RANBP10: variants seen among roughly 807,000 people sequenced by gnomAD.
RANBP10 encodes the protein ran-binding protein 10.
RANBP10 carries 24 observed loss-of-function variants against 72.8 expected under a neutral mutation model. That is an observed-to-expected ratio of 0.33 (90% CI 0.24 to 0.46). The LOEUF (loss-of-function observed/expected upper bound fraction) is 0.46. RANBP10 is among the 20% of genes least tolerant of loss of function. The pLI is 1.00. For synonymous variants in RANBP10, 310 were observed against 322.3 expected, an observed-to-expected ratio of 0.96 and a Z score of 0.41; for missense variants, 679 against 817.5, an observed-to-expected ratio of 0.83 and a Z score of 2.07.
intron 2 of RANBP10, among the ~76,000 whole-genome samples, chr16:67,782,611 C>T (rs189925509): frequency 2.6e-5 from 4 of 151,990 alleles, no homozygotes; most frequent in Admixed American, 2.0e-4. Flanking sequence ...CGCTACCACA[C>T]CCAGCTAATT....
intron 6 of RANBP10, among the ~76,000 whole-genome samples, chr16:67,732,481 T>C (rs974521443): frequency 6.6e-6 from 1 of 152,126 alleles, no homozygotes; most frequent in Non-Finnish European, 1.5e-5. Flanking sequence ...GGTTGTCAGG[T>C]GGAAGGCACA....
At chr16:67,765,324 C>G (rs931426179) in intron 3 of RANBP10, among the ~76,000 whole-genome samples, 1 of 151,014 alleles carries the variant, frequency 6.6e-6, no homozygotes, top group South Asian at 2.1e-4. Context: ...GCTGGGAGTT[C>G]GAGACCAGCC....
chr16:67,744,142 C>A lies in RANBP10; in HGVS notation c.568+146G>T, dbSNP rs1052035061. The A allele has an allele frequency of 8.2e-6, 12 of 1,458,030 alleles. No individual in the cohort carries two copies. In the Admixed American group the frequency reaches 2.6e-4, roughly 31 times the overall value. The allele number at this position is 1,458,030 out of a possible 1,614,324, so 90.3% of individuals were successfully genotyped here. On this transcript the variant is annotated intron_variant, in intron 4 of 13. Coordinates refer to ENST00000317506, the MANE Select transcript of RANBP10 (RefSeq NM_020850.3). The stretch of plus-strand genomic sequence containing the variant: ...AGGCGTGCCCCTGCTACCCTCTATT[C>A]ACCTGAAAGGGCTCCAATGCCTGGA...
rs1041928120 is a variant in RANBP10 at position 67,729,796 on chromosome 16, G to A, written c.1031C>T (p.Thr344Met). 1.9e-5 allele frequency: 31 copies of A among 1,613,926 alleles called. No individual in the cohort carries two copies. The Admixed American group carries it at 2.8e-4, about 15-fold the overall frequency. The change falls in exon 9 of 14, where the codon ACG becomes ATG. Residue 344 changes from threonine (T) to methionine (M), a missense_variant. By Grantham distance (81) the Thr-to-Met change is moderately conservative. Coordinates refer to ENST00000317506, the MANE Select transcript of RANBP10 (RefSeq NM_020850.3). This position sits in a 1 kb window ranked among gnomAD's most constrained non-coding sequence, Gnocchi z 7.1. ...GCTCAAACTTCGGACCTCACTGTCCGTCCCATTCACCATCTCCACAAACTG... is the reference window on the plus strand; with the variant it reads ...GCTCAAACTTCGGACCTCACTGTCCATCCCATTCACCATCTCCACAAACTG... ...CRQFVEMVNG[T>M]DSEVRSLSSR...
chr16:67,765,467 C>T (rs892074659), intron 3 of RANBP10, among the ~76,000 whole-genome samples: 8 of 150,946 alleles, frequency 5.3e-5, no homozygotes, highest in Non-Finnish European at 1.2e-4. Context: ...CGAAGGTTGC[C>T]GATGAGCCGA....
chr16:67,736,634 C>T (rs535071426), intron 5 of RANBP10, among the ~76,000 whole-genome samples: 4 of 152,344 alleles, frequency 2.6e-5, no homozygotes, highest in African/African-American at 7.2e-5. Context: ...TCACTGCCTA[C>T]CATGTCTTTC....
At chr16:67,746,063 G>A (rs987939771) in intron 3 of RANBP10, among the ~76,000 whole-genome samples, 6 of 152,014 alleles carry the variant, frequency 3.9e-5, no homozygotes, top group Non-Finnish European at 7.4e-5. Context: ...GGCTGAGGCA[G>A]GAGAATCACG....
intron 5 of RANBP10, among the ~76,000 whole-genome samples, chr16:67,735,256 C>G (rs972748727): frequency 1.3e-5 from 2 of 152,238 alleles, no homozygotes; most frequent in African/African-American, 4.8e-5. Context: ...GCAAGCAAGG[C>G]ACATCATGGA....
Position 67,729,951 on chromosome 16 carries a change from G to A in RANBP10, c.985C>T (p.Leu329Phe). ...PGLLEHNPNL[L>F]FMLKCRQFVE... ...CCCAAGACTTACTTGAGCATGAAGA[G>A]GAGGTTGGGGTTGTGCTCCAGCAGC... The change falls in exon 8 of 14, where the codon CTC becomes TTC. Residue 329 changes from leucine to phenylalanine, a missense_variant. Coordinates refer to ENST00000317506, the MANE Select transcript of RANBP10 (RefSeq NM_020850.3). The surrounding 1 kb of genome is among the most constrained non-coding windows in gnomAD (Gnocchi z 7.1). The A allele has an allele frequency of 6.2e-7, 1 of 1,613,886 alleles. No homozygotes were observed. The highest frequency in any genetic ancestry group is 8.5e-7 in the Non-Finnish European group (1 of 1,180,044).
intron 3 of RANBP10, among the ~76,000 whole-genome samples, chr16:67,752,333 A>T (rs1055026615): frequency 2.0e-5 from 3 of 152,204 alleles, no homozygotes; most frequent in African/African-American, 4.8e-5. Flanking sequence ...GGCTTTGAAG[A>T]TGGAGGATGC....
chr16:67,798,375 C>T (rs944709698), intron 2 of RANBP10, among the ~76,000 whole-genome samples: 8 of 152,156 alleles, frequency 5.3e-5, no homozygotes, highest in African/African-American at 1.9e-4. Context: ...GGTGAGAAGC[C>T]AGCCACAGCT....
At chr16:67,764,768 T>C (rs138288017) in intron 3 of RANBP10, among the ~76,000 whole-genome samples, 133 of 152,280 alleles carry the variant, frequency 8.7e-4, no homozygotes, top group African/African-American at 3.1e-3. Context: ...TTCAGTAAGA[T>C]TGAGGTTTCC....
rs1206332231 is a variant in RANBP10 at position 67,757,947 on chromosome 16, T to C, written c.401-13492A>G. Among the ~76,000 whole-genome samples, 4 of 152,138 alleles carry C rather than the reference T, an allele frequency of 2.6e-5. No individual in the cohort carries two copies. The East Asian group carries it at 7.7e-4, about 29-fold the overall frequency. On this transcript the variant is annotated intron_variant, in intron 3 of 13. Transcript: ENST00000317506. ...GAAAAAGGCTACCTCTACAGGTAGATGATGATACCAGGGGCTGACACCAAG... is the reference window on the plus strand; with the variant it reads ...GAAAAAGGCTACCTCTACAGGTAGACGATGATACCAGGGGCTGACACCAAG...
At chr16:67,792,856 C>T (rs1449845677) in intron 2 of RANBP10, among the ~76,000 whole-genome samples, 1 of 151,946 alleles carries the variant, frequency 6.6e-6, no homozygotes, top group Admixed American at 6.6e-5. Flanking sequence ...AAATGTGGTT[C>T]TGTGTATGGG....
intron 3 of RANBP10, among the ~76,000 whole-genome samples, chr16:67,765,561 G>C (rs1426304280): frequency 6.6e-6 from 1 of 152,096 alleles, no homozygotes; most frequent in East Asian, 1.9e-4. Flanking sequence ...TCGGGGCTGG[G>C]TGCAGTGGCT....
intron 3 of RANBP10, among the ~76,000 whole-genome samples, chr16:67,760,696 C>T (rs2054379428): frequency 6.6e-6 from 1 of 152,184 alleles, no homozygotes; most frequent in Admixed American, 6.5e-5. Context: ...GGAAAGTATG[C>T]TTCAACGGGC....
intron 3 of RANBP10, among the ~76,000 whole-genome samples, chr16:67,769,743 C>A (rs1339724627): frequency 6.6e-5 from 4 of 60,312 alleles, no homozygotes; most frequent in South Asian, 1.4e-3. Flanking sequence ...AAGACTCCGT[C>A]TCAAAAAAAA....
At chr16:67,776,092 C>T (rs1173361462) in intron 2 of RANBP10, among the ~76,000 whole-genome samples, 1 of 151,348 alleles carries the variant, frequency 6.6e-6, no homozygotes, top group Non-Finnish European at 1.5e-5. Flanking sequence ...TTGCAGTGAG[C>T]CGAGATCACA....
chr16:67,760,740 G>A (rs930946381), intron 3 of RANBP10, among the ~76,000 whole-genome samples: 1 of 152,196 alleles, frequency 6.6e-6, no homozygotes, highest in African/African-American at 2.4e-5. Context: ...AGTAACTACG[G>A]TAATGTATGT....
Sources: gnomAD v4.1 joint callset for allele counts (sites outside exome capture counted in the v4.1 genomes callset) on GRCh38, gnomAD v4.1.1 for gene constraint, Gnocchi (gnomAD v3.1) non-coding constraint, MANE v1.5 for transcripts, NCBI Gene and HGNC (gene_info 2026-07-23, HGNC 2026-07-21) for gene names.